Variants in LRBA observed in about 807,000 individuals in gnomAD.
LRBA encodes the protein LPS responsive beige-like anchor protein, also known as lipopolysaccharide-responsive and beige-like anchor protein.
LRBA carries 176 observed loss-of-function variants against 330.0 expected under a neutral mutation model. The observed-to-expected ratio is 0.53, with a 90% CI of 0.47 to 0.60. The LOEUF is 0.60. Ranked by LOEUF, LRBA falls within the 20% of genes least tolerant of loss-of-function variation. The pLI is 0.00. For synonymous variants in LRBA, 1,230 were observed against 1,193.0 expected (o/e 1.03, Z -0.64); for missense variants, 3,259 against 3,444.8 (o/e 0.95, Z 1.35).
chr4:150,588,807 T>C (rs1228302950), intron 39 of LRBA, among the ~76,000 whole-genome samples: 1 of 152,162 alleles, frequency 6.6e-6, no homozygotes, highest in Admixed American at 6.5e-5. Context: ...CCAAATCTAA[T>C]ATTAGTGTAG....
At chr4:150,593,953 T>G (rs1392231402) in intron 38 of LRBA, among the ~76,000 whole-genome samples, 1 of 152,114 alleles carries the variant, frequency 6.6e-6, no homozygotes, top group Non-Finnish European at 1.5e-5. Context: ...ATTAAAAAAT[T>G]TTTAAATATG....
Position 150,790,316 on chromosome 4 carries a change from G to A in LRBA, c.5580+7765C>T, listed in dbSNP as rs1739714371. On this transcript the variant is annotated intron_variant, in intron 34 of 56. Transcript: ENST00000651943. Reference sequence around the variant, plus strand: ...TAGTGTGCTGGTGAATCCATAGGACGCCTGTATTTCAGGTCAAATCCTGAA... The same window carrying A: ...TAGTGTGCTGGTGAATCCATAGGACACCTGTATTTCAGGTCAAATCCTGAA... Among the ~76,000 whole-genome samples the A allele has an allele frequency of 2.6e-5, 4 of 152,150 alleles. No homozygotes were observed. In the South Asian group the frequency reaches 6.2e-4, roughly 24 times the overall value.
chr4:150,366,269 T>C (rs963444002), intron 47 of LRBA, among the ~76,000 whole-genome samples: 4 of 152,188 alleles, frequency 2.6e-5, no homozygotes, highest in African/African-American at 7.2e-5. Context: ...ATCACTATCT[T>C]TATTAGATTA....
At chr4:150,731,886 A>G (rs1344204863) in intron 36 of LRBA, among the ~76,000 whole-genome samples, 1 of 152,190 alleles carries the variant, frequency 6.6e-6, no homozygotes, top group East Asian at 1.9e-4. Flanking sequence ...ACTTGAAGAG[A>G]TGGATACCCA....
At chr4:150,782,448 CCTT>C (rs1166965147) in intron 34 of LRBA, among the ~76,000 whole-genome samples, 1 of 152,168 alleles carries the variant, frequency 6.6e-6, no homozygotes, top group Non-Finnish European at 1.5e-5. Flanking sequence ...GAGCCATTCT[CCTT>C]CTGGAGACTC....
chr4:150,837,071 G>T (rs1368293712), intron 28 of LRBA, among the ~76,000 whole-genome samples: 1 of 152,192 alleles, frequency 6.6e-6, no homozygotes, highest in Non-Finnish European at 1.5e-5. Context: ...TCATTCAGGA[G>T]CAGGTTGCTC....
At chr4:150,989,218 C>G (rs1421565967) in intron 2 of LRBA, among the ~76,000 whole-genome samples, 1 of 151,628 alleles carries the variant, frequency 6.6e-6, no homozygotes, top group Admixed American at 6.6e-5. Context: ...GTTGGCCAGG[C>G]TGGTCTCAAA....
At chr4:150,360,606 G>A (rs1468677906) in intron 47 of LRBA, among the ~76,000 whole-genome samples, 1 of 152,166 alleles carries the variant, frequency 6.6e-6, no homozygotes, top group African/African-American at 2.4e-5. Context: ...GAATGCAGGA[G>A]TTAACAATAC....
At chr4:150,463,671 C>T (rs976181154) in intron 44 of LRBA, among the ~76,000 whole-genome samples, 3 of 151,788 alleles carry the variant, frequency 2.0e-5, no homozygotes, top group Non-Finnish European at 2.9e-5. Context: ...TTTTACCCAC[C>T]CAACAAAAGT....
chr4:150,677,552 A>T (rs1418063102), intron 37 of LRBA, among the ~76,000 whole-genome samples: 1 of 152,200 alleles, frequency 6.6e-6, no homozygotes, highest in African/African-American at 2.4e-5. Flanking sequence ...TTTACTCAGA[A>T]TTATAAAAAG....
At chr4:150,707,747 T>C (rs1014524673) in intron 36 of LRBA, among the ~76,000 whole-genome samples, 11 of 151,474 alleles carry the variant, frequency 7.3e-5, no homozygotes, top group Non-Finnish European at 1.0e-4. Context: ...AGAGAGAAAA[T>C]GGAAGCTTGA....
chr4:150,491,870 C>T (rs1422869823), intron 40 of LRBA, among the ~76,000 whole-genome samples: 2 of 152,062 alleles, frequency 1.3e-5, no homozygotes, highest in African/African-American at 2.4e-5. Context: ...TTCTCTACAC[C>T]AGTACTATAC....
chr4:150,793,469 C>T (rs1740293432), intron 34 of LRBA, among the ~76,000 whole-genome samples: 1 of 152,082 alleles, frequency 6.6e-6, no homozygotes, highest in Non-Finnish European at 1.5e-5. Flanking sequence ...GGAGGTATTT[C>T]CTAATGAAAA....
At chr4:150,479,528 T>C (rs962366489) in intron 42 of LRBA, among the ~76,000 whole-genome samples, 4 of 152,132 alleles carry the variant, frequency 2.6e-5, no homozygotes, top group Non-Finnish European at 4.4e-5. Context: ...TAAGGCAACA[T>C]AGCTTATAAT....
At chr4:150,391,155 G>A (rs565260565) in intron 47 of LRBA, among the ~76,000 whole-genome samples, 1 of 152,232 alleles carries the variant, frequency 6.6e-6, no homozygotes, top group South Asian at 2.1e-4. Context: ...ACTTACTGTT[G>A]CCTCTTTCCA....
At chr4:150,407,113 T>C (rs1441829318) in intron 47 of LRBA, among the ~76,000 whole-genome samples, 1 of 152,074 alleles carries the variant, frequency 6.6e-6, no homozygotes. Flanking sequence ...GGGAAGATTA[T>C]CCTGATTATG....
intron 26 of LRBA, 133 bp downstream of exon 26, chr4:150,848,684 TA>T: frequency 4.4e-6 from 3 of 677,792 alleles, no homozygotes; most frequent in Non-Finnish European, 7.4e-6. Flanking sequence ...CTATGTACAT[TA>T]AAAAAAGTAA....
chr4:150,449,982 A>C (rs1410346629), intron 44 of LRBA, among the ~76,000 whole-genome samples: 1 of 152,116 alleles, frequency 6.6e-6, no homozygotes, highest in Non-Finnish European at 1.5e-5. Context: ...TCAACACCCC[A>C]ATTAAAATGC....
chr4:150,380,003 TAAAAA>T (rs371691815), intron 47 of LRBA, among the ~76,000 whole-genome samples: 2 of 115,242 alleles, frequency 1.7e-5, no homozygotes, highest in East Asian at 5.1e-4. Flanking sequence ...TTTCTACTAC[TAAAAA>T]AAAAAAAAAA....
Sources: allele counts gnomAD v4.1 joint callset (sites outside exome capture counted in the v4.1 genomes callset), GRCh38; gene constraint gnomAD v4.1.1; transcripts MANE v1.5; gene names NCBI Gene and HGNC (gene_info 2026-07-23, HGNC 2026-07-21).